Variants in SBK1 observed in about 807,000 individuals in gnomAD.
SBK1 encodes serine/threonine-protein kinase SBK1.
SBK1 carries 11 observed loss-of-function variants against 24.4 expected under a neutral mutation model. That is an observed-to-expected ratio of 0.45 (90% CI 0.28 to 0.75). The LOEUF (loss-of-function observed/expected upper bound fraction) is 0.75, where lower values mean the gene tolerates loss of function less well. Ranked by LOEUF, SBK1 falls within the 30% of genes least tolerant of loss-of-function variation. The pLI is 0.12. For synonymous variants in SBK1, 308 were observed against 284.4 expected, an observed-to-expected ratio of 1.08 and a Z score of -0.83; for missense variants, 467 against 620.5, an observed-to-expected ratio of 0.75 and a Z score of 2.63.
chr16:28,313,911 C>A (rs1042861677), intron 1 of SBK1, among the ~76,000 whole-genome samples: 3 of 152,040 alleles, frequency 2.0e-5, no homozygotes, highest in Non-Finnish European at 4.4e-5. Context: ...CGAGAGGATG[C>A]GGGGCTCATG....
chr16:28,274,976 G>A (rs1243115818), intron 1 of SBK1, among the ~76,000 whole-genome samples: 1 of 152,196 alleles, frequency 6.6e-6, no homozygotes, highest in Admixed American at 6.5e-5. Context: ...TGTAGGAAAT[G>A]TGGAGGTAAA....
intron 1 of SBK1, among the ~76,000 whole-genome samples, chr16:28,261,099 G>A (rs1406737350): frequency 6.6e-6 from 1 of 152,088 alleles, no homozygotes; most frequent in Non-Finnish European, 1.5e-5. Flanking sequence ...ATAGGCACTG[G>A]AGCAAGCAAT....
At chr16:28,263,643 G>A (rs1340575888) in intron 1 of SBK1, among the ~76,000 whole-genome samples, 1 of 152,206 alleles carries the variant, frequency 6.6e-6, no homozygotes, top group African/African-American at 2.4e-5. Flanking sequence ...TGTTCCAGAA[G>A]GAATTGGGAA....
chr16:28,308,774 TG>T (rs2044734466), intron 1 of SBK1, among the ~76,000 whole-genome samples: 1 of 149,762 alleles, frequency 6.7e-6, no homozygotes, highest in Non-Finnish European at 1.5e-5. Flanking sequence ...TGTGTGTGTG[TG>T]TGTGTTTGTT....
chr16:28,292,925 C>T lies in SBK1; in HGVS notation c.-383C>T. 1.7e-5 allele frequency: 17 copies of T among 974,768 alleles called. No homozygotes were observed. The highest frequency in any genetic ancestry group is 5.2e-4 in the Middle Eastern group (1 of 1,906). The allele number at this position is 974,768 out of a possible 1,614,324, so 60.4% of individuals were successfully genotyped here. A position where few individuals can be genotyped will look rare whatever the true frequency, so the allele number is the denominator to read the frequency against. ...CCCTCCTCAGTCTGGGCCCCCGCCC[C>T]AAGACCTAGAACGCAGTGCCCCCAG... On this transcript the variant is annotated 5_prime_UTR_variant, in exon 1 of 4. Transcript: ENST00000341901.
Position 28,317,368 on chromosome 16 carries a change from C to T in SBK1, c.-7-17C>T. 6.3e-7 allele frequency: 1 copy of T among 1,596,526 alleles called. No individual in the cohort carries two copies. The highest frequency in any genetic ancestry group is 8.6e-7 in the Non-Finnish European group (1 of 1,164,640). On this transcript the variant is annotated splice_polypyrimidine_tract_variant and intron_variant, in intron 1 of 3. Transcript: ENST00000341901. The surrounding 1 kb of genome is among the most constrained non-coding windows in gnomAD (Gnocchi z 4.2). ...TGCCTGATGTCACACTTCATGCTCA[C>T]CACCCCTACCCAACAGGGAGAAGAT...
chr16:28,297,133 C>G (rs1001562070), intron 1 of SBK1, among the ~76,000 whole-genome samples: 1 of 151,902 alleles, frequency 6.6e-6, no homozygotes, highest in Non-Finnish European at 1.5e-5. Flanking sequence ...AGTTTGCGAC[C>G]AGCCTGGCCA....
At chr16:28,301,626 G>A (rs181110773) in intron 1 of SBK1, among the ~76,000 whole-genome samples, 1 of 152,320 alleles carries the variant, frequency 6.6e-6, no homozygotes, top group African/African-American at 2.4e-5. Flanking sequence ...GCCTCAAGTG[G>A]GTTCAGGGGT....
intron 1 of SBK1, among the ~76,000 whole-genome samples, chr16:28,294,958 A>G (rs1280796919): frequency 6.6e-6 from 1 of 152,176 alleles, no homozygotes; most frequent in Non-Finnish European, 1.5e-5. Context: ...AATGACAGAG[A>G]GTGAGCCTCT....
At chr16:28,263,545 G>A (rs1406292278) in intron 1 of SBK1, among the ~76,000 whole-genome samples, 1 of 152,214 alleles carries the variant, frequency 6.6e-6, no homozygotes, top group Non-Finnish European at 1.5e-5. Flanking sequence ...CAGAGCAAAT[G>A]ATGGGGACAG....
At chr16:28,265,633 A>C (rs2044423488) in intron 1 of SBK1, among the ~76,000 whole-genome samples, 1 of 152,052 alleles carries the variant, frequency 6.6e-6, no homozygotes, top group African/African-American at 2.4e-5. Context: ...TAAAAAAGAA[A>C]AAAGATTAGA....
intron 1 of SBK1, among the ~76,000 whole-genome samples, chr16:28,295,552 A>G (rs2044632602): frequency 6.6e-6 from 1 of 152,052 alleles, no homozygotes; most frequent in African/African-American, 2.4e-5. Context: ...GCTCCAGGAG[A>G]CGGGAACCAG....
chr16:28,279,425 A>AC (rs1296067536), intron 1 of SBK1, among the ~76,000 whole-genome samples: 2 of 150,686 alleles, frequency 1.3e-5, no homozygotes, highest in Non-Finnish European at 1.5e-5. Context: ...AAAAAAAAAA[A>AC]AAAAAAAAAC....
Position 28,259,492 on chromosome 16 carries a change from C to A in SBK1, c.247C>A (p.Pro83Thr). The change falls in exon 1 of 4, where the codon CCA becomes ACA. Residue 83 changes from proline (P) to threonine (T), a missense_variant. By Grantham distance (38) the Pro-to-Thr change is conservative (BLOSUM62 -1). Coordinates refer to the SBK1 transcript ENST00000671413. This position sits in a 1 kb window ranked among gnomAD's most constrained non-coding sequence, Gnocchi z 6.0. ...GGAAGAGGAGCTGCTGGAAGAAGTC[C>A]CATTGCGGAGGTCAGTGCTCGTGGG... 1.0e-6 allele frequency: 1 copy of A among 984,736 alleles called. No homozygotes were observed. Among genetic ancestry groups the A allele is most frequent in the Non-Finnish European group, 1.2e-6 (1 of 829,266 alleles). 61.0% of individuals were successfully genotyped at this position (984,736 alleles called of 1,614,324 possible). A position where few individuals can be genotyped will look rare whatever the true frequency, so the allele number is the denominator to read the frequency against.
chr16:28,283,955 T>A (rs547365141), intron 1 of SBK1, among the ~76,000 whole-genome samples: 10 of 151,920 alleles, frequency 6.6e-5, no homozygotes, highest in Non-Finnish European at 7.4e-5. Flanking sequence ...CCCCAGCAGC[T>A]CTCCCCGGTG....
rs1026474266 is a variant in SBK1, at chr16:28,272,599, T to C, written c.257+13097T>C. On this transcript the variant is annotated intron_variant, in intron 1 of 3. Coordinates refer to the SBK1 transcript ENST00000671413. ...TTTCATCTATGTTGTCACATATTTT[T>C]TTTCTTTCTTTCTTTCTTTCTTTTT... Among the ~76,000 whole-genome samples, 22 of 145,818 alleles carry C rather than the reference T, an allele frequency of 1.5e-4. 1 individual carries two copies. The East Asian group carries it at 3.1e-3, about 21-fold the overall frequency.
chr16:28,294,917 C>G (rs1445544316), intron 1 of SBK1, among the ~76,000 whole-genome samples: 1 of 152,236 alleles, frequency 6.6e-6, no homozygotes, highest in Non-Finnish European at 1.5e-5. Flanking sequence ...ACTGAGTGAC[C>G]TTGGGCAAGC....
At chr16:28,280,149 A>ATATATGTGTGTGTGTG (rs1230385223) in intron 1 of SBK1, among the ~76,000 whole-genome samples, 10 of 39,414 alleles carry the variant, frequency 2.5e-4, no homozygotes, top group South Asian at 8.4e-4. Context: ...ATATATATAT[A>ATATATGTGTGTGTGTG]TGTGTGTGTG....
In SBK1 at chr16:28,321,792, G is replaced by A. The variant is rs184749764; in HGVS notation, c.*871G>A. The A allele has an allele frequency of 6.6e-6, 1 of 152,514 alleles. No homozygotes were observed. The highest frequency in any genetic ancestry group is 1.9e-4 in the East Asian group (1 of 5,182). 9.4% of individuals were successfully genotyped at this position (152,514 alleles called of 1,614,324 possible). On this transcript the variant is annotated 3_prime_UTR_variant, in exon 4 of 4. Coordinates refer to ENST00000341901, the MANE Select transcript of SBK1 (RefSeq NM_001024401.3). ...GGTCTCAGCTGCCCCCATCCTTAGG[G>A]CAGGGGAGTTAGTGTGGAGCCGAGA...
Sources: gnomAD v4.1 joint callset for allele counts (sites outside exome capture counted in the v4.1 genomes callset) on GRCh38, gnomAD v4.1.1 for gene constraint, Gnocchi (gnomAD v3.1) non-coding constraint, MANE v1.5 for transcripts, NCBI Gene and HGNC (gene_info 2026-07-23, HGNC 2026-07-21) for gene names.